ST18: variants seen among roughly 807,000 people sequenced by gnomAD.
ST18 encodes the protein ST18 C2H2C-type zinc finger transcription factor.
A neutral mutation model predicts 110.0 loss-of-function variants in ST18; 50 were observed. That is an observed-to-expected ratio of 0.45 (90% CI 0.36 to 0.58). The LOEUF (loss-of-function observed/expected upper bound fraction) is 0.58, where lower values mean the gene tolerates loss of function less well. Ranked by LOEUF, ST18 falls within the 20% of genes least tolerant of loss-of-function variation. The pLI, the probability that ST18 is intolerant of heterozygous loss-of-function variation, is 0.00. For synonymous variants in ST18, 461 were observed against 452.4 expected (o/e 1.02, Z -0.24); for missense variants, 1,306 against 1,280.1 (o/e 1.02, Z -0.31).
At chr8:52,213,724 T>A (rs1274524023) in intron 7 of ST18, among the ~76,000 whole-genome samples, 1 of 152,220 alleles carries the variant, frequency 6.6e-6, no homozygotes, top group African/African-American at 2.4e-5. Flanking sequence ...ACATCAGAGC[T>A]GCTGGAAATT....
At chr8:52,300,569 T>C (rs534324368) in intron 2 of ST18, among the ~76,000 whole-genome samples, 5 of 152,156 alleles carry the variant, frequency 3.3e-5, no homozygotes, top group Non-Finnish European at 5.9e-5. Context: ...CCTCCACCTG[T>C]TTTTGTATGA....
At chr8:52,306,464 A>G (rs2095814745) in intron 2 of ST18, among the ~76,000 whole-genome samples, 1 of 152,244 alleles carries the variant, frequency 6.6e-6, no homozygotes, top group African/African-American at 2.4e-5. Flanking sequence ...AAACAAATAC[A>G]TGAAGAAATA....
chr8:52,294,288 C>T (rs1375027346), intron 2 of ST18, among the ~76,000 whole-genome samples: 1 of 152,220 alleles, frequency 6.6e-6, no homozygotes, highest in African/African-American at 2.4e-5. Context: ...TGCTTCTGAC[C>T]CTGAACCAGA....
At chr8:52,377,790 T>A (rs1235923286) in intron 2 of ST18, among the ~76,000 whole-genome samples, 1 of 152,224 alleles carries the variant, frequency 6.6e-6, no homozygotes, top group Non-Finnish European at 1.5e-5. Context: ...TTCTAAGTGA[T>A]ATCTGTACTC....
At chr8:52,214,702 G>A (rs74482423) in intron 6 of ST18, among the ~76,000 whole-genome samples, 121 of 152,060 alleles carry the variant, frequency 8.0e-4, no homozygotes, top group African/African-American at 2.0e-3. Context: ...ATGATTCCTC[G>A]TGTAAAAAAG....
intron 2 of ST18, among the ~76,000 whole-genome samples, chr8:52,259,196 A>G (rs532586208): frequency 1.3e-5 from 2 of 152,322 alleles, no homozygotes; most frequent in African/African-American, 4.8e-5. Flanking sequence ...TCAGGTTCTC[A>G]TAGCAAGGGT....
rs757477809 is a variant in ST18, at chr8:52,268,666, C to A, written c.-464-38589G>T. On this transcript the variant is annotated intron_variant, in intron 2 of 25. Coordinates refer to ENST00000689386, the MANE Select transcript of ST18 (RefSeq NM_001352837.2). ...CAGATGTGTAATAAATCTAGAGGAG[C>A]GGTAAAGGAAGAAAAAGCCAAGCTA... is the stretch of plus-strand genomic sequence containing the variant. Among the ~76,000 whole-genome samples, 11 of 152,114 alleles carry A rather than the reference C, an allele frequency of 7.2e-5. 1 individual carries two copies. Among genetic ancestry groups the A allele is most frequent in the East Asian group, 5.8e-4 (3 of 5,176 alleles).
chr8:52,394,331 T>A (rs144457804), intron 2 of ST18, among the ~76,000 whole-genome samples: 229 of 152,312 alleles, frequency 1.5e-3, no homozygotes, highest in African/African-American at 5.1e-3. Context: ...AAATTAAAAA[T>A]ATATATATCT....
chr8:52,172,205 G>T lies in ST18; in HGVS notation c.656C>A (p.Pro219Gln), dbSNP rs2065212194. The T allele has an allele frequency of 6.2e-7, 1 of 1,613,930 alleles. No homozygotes were observed. Residue 219 changes from proline (P) to glutamine (Q), a missense_variant, in exon 10 of 26, where the codon CCA becomes CAA. Coordinates refer to ENST00000689386, the MANE Select transcript of ST18 (RefSeq NM_001352837.2). ...FSEETKPPRV[P>Q]KYVLTDHKKD... ...TTTATGATCTGTTAAAACATACTTT[G>T]GGACTCTAGGTGGTTTGGTTTCTTC... is the stretch of plus-strand genomic sequence containing the variant.
chr8:52,151,236 G>A lies in ST18; in HGVS notation c.1807-1259C>T, dbSNP rs2132551458. 1.3e-5 allele frequency among the ~76,000 whole-genome samples: 2 copies of A among 151,912 alleles called. 1 individual carries two copies. Among genetic ancestry groups the A allele is most frequent in the South Asian group, 4.2e-4 (2 of 4,796 alleles). On this transcript the variant is annotated intron_variant, in intron 15 of 25. Coordinates refer to ENST00000689386, the MANE Select transcript of ST18 (RefSeq NM_001352837.2). ...AAACAGGCGCCACTGGGCTGCATCA[G>A]CTGGGCTTGCTGCTTGTGCCCGACT...
At chr8:52,274,911 T>C (rs73679026) in intron 2 of ST18, among the ~76,000 whole-genome samples, 5,941 of 152,220 alleles carry the variant, frequency 0.039, 411 homozygotes, top group African/African-American at 0.14. Context: ...TTAAACTTCA[T>C]CTTTTTACTT....
chr8:52,241,411 C>G (rs1218391733), intron 2 of ST18, among the ~76,000 whole-genome samples: 1 of 152,218 alleles, frequency 6.6e-6, no homozygotes, highest in African/African-American at 2.4e-5. Flanking sequence ...TGGTGAGATG[C>G]TCTGGCCCCA....
intron 8 of ST18, among the ~76,000 whole-genome samples, chr8:52,209,639 T>G (rs965610195): frequency 2.0e-5 from 3 of 151,522 alleles, no homozygotes; most frequent in Non-Finnish European, 2.9e-5. Flanking sequence ...GCATGGTGGC[T>G]CATGCCTGTA....
rs868080028 is a variant in ST18 at position 52,287,466 on chromosome 8, A to T, written c.-464-57389T>A. Among the ~76,000 whole-genome samples the T allele has an allele frequency of 5.9e-5, 9 of 152,306 alleles. No individual in the cohort carries two copies. The South Asian group carries it at 1.9e-3, about 32-fold the overall frequency. ...TCTAGCTCCTTTAGAGCTAGAAACAAGCAAAGAAATATAGAATTTAAAAGC... is the reference window on the plus strand; with the variant it reads ...TCTAGCTCCTTTAGAGCTAGAAACATGCAAAGAAATATAGAATTTAAAAGC... On this transcript the variant is annotated intron_variant, in intron 2 of 25. Transcript: ENST00000689386.
chr8:52,343,638 G>A (rs954388058), intron 2 of ST18, among the ~76,000 whole-genome samples: 1 of 152,094 alleles, frequency 6.6e-6, no homozygotes, highest in African/African-American at 2.4e-5. Context: ...ACTTGTAAGT[G>A]AATTAAAAGT....
In ST18 at chr8:52,172,065, G is replaced by A; in HGVS notation, c.796C>T (p.Pro266Ser). The A allele has an allele frequency of 6.2e-7, 1 of 1,614,232 alleles. No homozygotes were observed. Among genetic ancestry groups the A allele is most frequent in the Non-Finnish European group, 8.5e-7 (1 of 1,180,054 alleles). Residue 266 changes from proline to serine, a missense_variant, in exon 10 of 26, where the codon CCC becomes TCC. Coordinates refer to ENST00000689386, the MANE Select transcript of ST18 (RefSeq NM_001352837.2). ...RKDPQNALAE[P>S]LDGNAQPSFP... ...GAGGGCTGGGCATTGCCATCCAGGG[G>A]TTCTGCGAGAGCATTCTGCGGGTCT...
At position 52,214,413 on chromosome 8, in the gene ST18, C is replaced by T. The variant is rs547628884; in HGVS notation, c.1-156G>A. ...TCTATAGTACATAACTGTGACTCCCCCCACATACCACCAGCTTTGGAAATA... is the reference window on the plus strand; with the variant it reads ...TCTATAGTACATAACTGTGACTCCCTCCACATACCACCAGCTTTGGAAATA... On this transcript the variant is annotated intron_variant, in intron 6 of 25. Coordinates refer to ENST00000689386, the MANE Select transcript of ST18 (RefSeq NM_001352837.2). 102 of 639,088 alleles carry T rather than the reference C, an allele frequency of 1.6e-4. No homozygotes were observed. In the Admixed American group the frequency reaches 2.2e-3, roughly 14 times the overall value. The allele number at this position is 639,088 out of a possible 1,614,324, so 39.6% of individuals were successfully genotyped here. A position where few individuals can be genotyped will look rare whatever the true frequency, so the allele number is the denominator to read the frequency against.
intron 2 of ST18, among the ~76,000 whole-genome samples, chr8:52,249,051 C>A (rs187083763): frequency 6.6e-6 from 1 of 152,120 alleles, no homozygotes; most frequent in Admixed American, 6.6e-5. Context: ...AAACCTGAAC[C>A]AATAACCTGA....
At chr8:52,233,763 C>T (rs112147464) in intron 2 of ST18, among the ~76,000 whole-genome samples, 2,115 of 152,284 alleles carry the variant, frequency 0.014, 23 homozygotes, top group Non-Finnish European at 0.022. Flanking sequence ...GTCTCATTAG[C>T]TGTGGCAAAT....
Sources: gnomAD v4.1 joint callset for allele counts (sites outside exome capture counted in the v4.1 genomes callset) on GRCh38, gnomAD v4.1.1 for gene constraint, MANE v1.5 for transcripts, NCBI Gene and HGNC (gene_info 2026-07-23, HGNC 2026-07-21) for gene names.